Variants in SYT1 observed in about 807,000 individuals in gnomAD.
SYT1 encodes synaptotagmin 1.
In SYT1, 8 loss-of-function variants were observed where a neutral mutation model predicts 44.8. The observed-to-expected ratio is 0.18, with a 90% CI of 0.10 to 0.32. SYT1 has a LOEUF of 0.32. Among genes scored for constraint, SYT1 ranks in the 10% least tolerant of loss-of-function variants. SYT1 has a pLI of 1.00. For missense variants in SYT1, 286 were observed against 509.3 expected (o/e 0.56, Z 4.22); for synonymous variants, 154 against 188.8 (o/e 0.82, Z 1.51).
intron 5 of SYT1, among the ~76,000 whole-genome samples, chr12:79,288,577 AT>A (rs1284582580): frequency 6.6e-6 from 1 of 152,136 alleles, no homozygotes; most frequent in South Asian, 2.1e-4. Context: ...ACCAAGGAAG[AT>A]TTTTTTAAAT....
chr12:79,399,174 G>A (rs1003561957), intron 9 of SYT1, among the ~76,000 whole-genome samples: 29 of 152,112 alleles, frequency 1.9e-4, no homozygotes, highest in Non-Finnish European at 1.9e-4. Flanking sequence ...GCATGAATAA[G>A]AAGGAATATT....
intron 2 of SYT1, among the ~76,000 whole-genome samples, chr12:78,998,467 A>G (rs767503485): frequency 5.3e-5 from 8 of 152,210 alleles, no homozygotes; most frequent in Non-Finnish European, 7.3e-5. Flanking sequence ...AGTCATGTCT[A>G]CTGTGCCATG....
chr12:78,947,839 G>A (rs1300639929), intron 1 of SYT1, among the ~76,000 whole-genome samples: 1 of 150,850 alleles, frequency 6.6e-6, no homozygotes, highest in Non-Finnish European at 1.5e-5. Context: ...GTCTCTACAT[G>A]GATGAGAAAA....
At chr12:79,044,415 G>T (rs929869267) in intron 2 of SYT1, among the ~76,000 whole-genome samples, 9 of 151,236 alleles carry the variant, frequency 6.0e-5, no homozygotes, top group South Asian at 2.1e-4. Flanking sequence ...CCAGTTGATC[G>T]CATTGGCTCC....
chr12:79,288,481 AT>A (rs1235702505), intron 5 of SYT1, among the ~76,000 whole-genome samples: 3 of 152,070 alleles, frequency 2.0e-5, no homozygotes, highest in Admixed American at 1.3e-4. Flanking sequence ...CAATCAATAC[AT>A]TTTTACCATT....
Position 79,091,479 on chromosome 12 carries a change from G to A in SYT1, c.-18+44117G>A, listed in dbSNP as rs530839843. 6.6e-5 allele frequency among the ~76,000 whole-genome samples: 10 copies of A among 151,976 alleles called. No individual in the cohort carries two copies. In the South Asian group the frequency reaches 2.1e-3, roughly 32 times the overall value. The stretch of plus-strand genomic sequence containing the variant: ...GCAGTTGAAAAGATTTCTAGATTTG[G>A]CCTCAAAACATCTTCAGTTGAAGTG... On this transcript the variant is annotated intron_variant, in intron 3 of 10. Coordinates refer to ENST00000261205, the MANE Select transcript of SYT1 (RefSeq NM_005639.3).
intron 3 of SYT1, among the ~76,000 whole-genome samples, chr12:79,146,877 G>A (rs1321531509): frequency 1.3e-5 from 2 of 152,024 alleles, no homozygotes; most frequent in East Asian, 1.9e-4. Context: ...GTCTCACTCT[G>A]TCGCCCAGGC....
intron 2 of SYT1, among the ~76,000 whole-genome samples, chr12:78,981,460 T>C (rs1869257426): frequency 6.6e-6 from 1 of 152,150 alleles, no homozygotes; most frequent in Non-Finnish European, 1.5e-5. Context: ...AACTATGTTG[T>C]TACATATCCA....
chr12:79,225,140 G>A (rs1875441957), intron 4 of SYT1, among the ~76,000 whole-genome samples: 2 of 151,898 alleles, frequency 1.3e-5, no homozygotes, highest in South Asian at 4.1e-4. Context: ...AAAAAGCAGG[G>A]GTAGCAGGCT....
At chr12:79,023,141 A>G (rs1217568235) in intron 2 of SYT1, among the ~76,000 whole-genome samples, 1 of 151,884 alleles carries the variant, frequency 6.6e-6, no homozygotes, top group African/African-American at 2.4e-5. Context: ...GCACGTTCCA[A>G]TGTGAGGGGC....
chr12:79,057,532 C>T (rs772035229), intron 3 of SYT1, among the ~76,000 whole-genome samples: 7 of 151,986 alleles, frequency 4.6e-5, no homozygotes, highest in Non-Finnish European at 7.4e-5. Flanking sequence ...GTGGCATTGA[C>T]ACAATTTGCT....
rs529961066 is a variant in SYT1, at chr12:79,350,504, G to A, written c.811-2998G>A. ...CCTGACCTCGTGATCCGCCCGCCTC[G>A]GACTCCCAAAGAGCTGGGATTACAG... On this transcript the variant is annotated intron_variant, in intron 8 of 10. Coordinates refer to ENST00000261205, the MANE Select transcript of SYT1 (RefSeq NM_005639.3). Among the ~76,000 whole-genome samples, 5 of 151,844 alleles carry A rather than the reference G, an allele frequency of 3.3e-5. No individual in the cohort carries two copies. The South Asian group carries it at 1.0e-3, about 32-fold the overall frequency.
chr12:79,438,797 T>C (rs1285346400), intron 9 of SYT1, among the ~76,000 whole-genome samples: 1 of 152,192 alleles, frequency 6.6e-6, no homozygotes, highest in African/African-American at 2.4e-5. Context: ...GTCTTGGAGC[T>C]GAGGAACAAT....
chr12:79,002,687 C>T (rs972643290), intron 2 of SYT1, among the ~76,000 whole-genome samples: 5 of 151,950 alleles, frequency 3.3e-5, no homozygotes, highest in Non-Finnish European at 7.4e-5. Flanking sequence ...TCTAGTTTAG[C>T]ATCACTAATG....
chr12:78,991,671 T>C (rs765580893), intron 2 of SYT1, among the ~76,000 whole-genome samples: 82 of 152,144 alleles, frequency 5.4e-4, no homozygotes, highest in Non-Finnish European at 1.1e-3. Flanking sequence ...AGAAATAATT[T>C]TGATTTTCAA....
At chr12:79,172,381 G>A (rs1199178449) in intron 3 of SYT1, among the ~76,000 whole-genome samples, 4 of 151,932 alleles carry the variant, frequency 2.6e-5, no homozygotes, top group Admixed American at 2.0e-4. Context: ...GACATTTACT[G>A]GGACACAGAG....
At chr12:79,336,184 A>G (rs1882080962) in intron 8 of SYT1, among the ~76,000 whole-genome samples, 1 of 152,288 alleles carries the variant, frequency 6.6e-6, no homozygotes, top group Non-Finnish European at 1.5e-5. Context: ...AATTACTGCA[A>G]ATATGTCTCC....
intron 9 of SYT1, among the ~76,000 whole-genome samples, chr12:79,438,859 T>C (rs947730224): frequency 1.3e-5 from 2 of 152,192 alleles, no homozygotes; most frequent in African/African-American, 4.8e-5. Flanking sequence ...AGTGACTTCC[T>C]ATTCCTCATT....
intron 3 of SYT1, among the ~76,000 whole-genome samples, chr12:79,145,801 A>T (rs1222203380): frequency 1.3e-5 from 2 of 150,026 alleles, no homozygotes; most frequent in African/African-American, 4.9e-5. Flanking sequence ...TCTGTCGCCC[A>T]GGCTGGAGTG....
Sources: allele counts gnomAD v4.1 joint callset (sites outside exome capture counted in the v4.1 genomes callset), GRCh38; gene constraint gnomAD v4.1.1; transcripts MANE v1.5; gene names NCBI Gene and HGNC (gene_info 2026-07-23, HGNC 2026-07-21).